The following MAML2 variants were observed in gnomAD, a reference collection of about 807,000 sequenced individuals.
MAML2 encodes the protein mastermind-like protein 2.
Under a neutral mutation model 96.1 loss-of-function variants are expected in MAML2, and 22 were observed. The ratio of observed to expected loss-of-function variants is 0.23; its 90% CI spans 0.16 to 0.33. The LOEUF is 0.33. Among genes scored for constraint, MAML2 ranks in the 10% least tolerant of loss-of-function variants. The pLI is 1.00. For synonymous variants in MAML2, 561 were observed against 521.3 expected (o/e 1.08, Z -1.04); for missense variants, 1,367 against 1,392.4 (o/e 0.98, Z 0.29).
intron 2 of MAML2, among the ~76,000 whole-genome samples, chr11:96,069,178 A>G (rs1010218846): frequency 2.5e-4 from 38 of 151,768 alleles, no homozygotes; most frequent in Non-Finnish European, 4.0e-4. Flanking sequence ...TTTTCCCACC[A>G]TGGTCTCCCA....
intron 1 of MAML2, among the ~76,000 whole-genome samples, chr11:96,229,580 T>C (rs1410770711): frequency 6.7e-6 from 1 of 148,530 alleles, no homozygotes; most frequent in Non-Finnish European, 1.5e-5. Context: ...AGAAATATAA[T>C]CACATGATCT....
At chr11:96,229,480 C>A (rs1359807492) in intron 1 of MAML2, among the ~76,000 whole-genome samples, 2 of 150,038 alleles carry the variant, frequency 1.3e-5, no homozygotes, top group Non-Finnish European at 3.0e-5. Flanking sequence ...TAGAGGATCC[C>A]TTACCAGATA....
intron 1 of MAML2, among the ~76,000 whole-genome samples, chr11:96,331,817 CAAAA>C (rs200355506): frequency 5.4e-5 from 4 of 74,704 alleles, no homozygotes; most frequent in African/African-American, 4.5e-5. Flanking sequence ...GACTCCATCT[CAAAA>C]AAAAAAAAAA....
intron 2 of MAML2, among the ~76,000 whole-genome samples, chr11:96,003,117 AGAT>A (rs1242565188): frequency 8.8e-6 from 1 of 114,176 alleles, no homozygotes; most frequent in African/African-American, 3.4e-5. Context: ...GGGATGATGA[AGAT>A]GATTATGGGG....
At chr11:96,225,365 G>T (rs1862196649) in intron 1 of MAML2, among the ~76,000 whole-genome samples, 1 of 152,186 alleles carries the variant, frequency 6.6e-6, no homozygotes, top group Non-Finnish European at 1.5e-5. Flanking sequence ...TTTGGAAGCA[G>T]ATCTTCCATC....
At chr11:96,077,219 C>CTCT (rs1555005491) in intron 2 of MAML2, among the ~76,000 whole-genome samples, 1 of 94,122 alleles carries the variant, frequency 1.1e-5, no homozygotes, top group African/African-American at 4.4e-5. Context: ...CTCTCTCTCT[C>CTCT]TTTTTTTTTT....
chr11:96,092,109 T>A lies in MAML2; in HGVS notation c.1922A>T (p.Gln641Leu). The A allele has an allele frequency of 6.4e-7, 1 of 1,550,924 alleles. No individual in the cohort carries two copies. ...CTGCTGCTGTTGTTGCTGCTGCTGC[T>A]GCTGTTGGGCTGAAATTGAGCTCTG... ...QQQSSISAQQ[Q>L]QQQQQQQQQQ... The change falls in exon 2 of 5, where the codon CAG (glutamine) becomes CTG (leucine). Residue 641 changes from glutamine (Q) to leucine (L), a missense_variant. Transcript: ENST00000524717. This position sits in a 1 kb window ranked among gnomAD's most constrained non-coding sequence, Gnocchi z 4.1.
chr11:96,056,335 A>C (rs1859068812), intron 2 of MAML2, among the ~76,000 whole-genome samples: 2 of 150,042 alleles, frequency 1.3e-5, no homozygotes, highest in Admixed American at 1.3e-4. Flanking sequence ...GAAGCATTTT[A>C]GAATCCTTTG....
In MAML2 at chr11:95,979,449, T is replaced by C. The variant is rs373623019; in HGVS notation, c.2970A>G (p.Thr990=). The C allele has an allele frequency of 3.7e-5, 60 of 1,613,522 alleles. No homozygotes were observed. Among genetic ancestry groups the C allele is most frequent in the Non-Finnish European group, 4.7e-5 (56 of 1,179,764 alleles). Reference sequence around the variant, plus strand: ...ACTGATTTGGGGTATAGGCTGCAGGTGTACCTGTGGGGAAGCGGACTCCTG... The same window carrying C: ...ACTGATTTGGGGTATAGGCTGCAGGCGTACCTGTGGGGAAGCGGACTCCTG... The part of the protein sequence containing the change: ...TSAGVRFPTG[T]PAAYTPNQSL... Residue 990 remains threonine, a synonymous_variant, in exon 5 of 5, where the codon ACA becomes ACG. Transcript: ENST00000524717.
chr11:96,255,865 C>CTTTTTT (rs141609329), intron 1 of MAML2, among the ~76,000 whole-genome samples: 6 of 77,940 alleles, frequency 7.7e-5, no homozygotes, highest in Non-Finnish European at 1.2e-4. Flanking sequence ...CCCCCACCGC[C>CTTTTTT]TTTTTTTTTT....
intron 1 of MAML2, among the ~76,000 whole-genome samples, chr11:96,140,435 C>T (rs1409563980): frequency 1.3e-5 from 2 of 152,178 alleles, no homozygotes; most frequent in African/African-American, 4.8e-5. Context: ...AGGCACAGCC[C>T]TTCTGCCCAA....
intron 1 of MAML2, among the ~76,000 whole-genome samples, chr11:96,111,198 T>A (rs183200732): frequency 1.3e-5 from 2 of 152,338 alleles, no homozygotes; most frequent in Admixed American, 1.3e-4. Flanking sequence ...TTGCTTCCCA[T>A]CATATTTTTA....
rs576635400 is a variant in MAML2 at position 96,019,349 on chromosome 11, C to A, written c.2140-27626G>T. ...GCCAGTGATAGTCTTTGGCTATCAT[C>A]CTGATCATAACAATCATTTTGAATA... On this transcript the variant is annotated intron_variant, in intron 2 of 4. Coordinates refer to ENST00000524717, the MANE Select transcript of MAML2 (RefSeq NM_032427.4). Among the ~76,000 whole-genome samples, 6 of 152,154 alleles carry A rather than the reference C, an allele frequency of 3.9e-5. No individual in the cohort carries two copies. The East Asian group carries it at 9.7e-4, about 24-fold the overall frequency.
At chr11:96,288,334 G>A (rs2097360258) in intron 1 of MAML2, among the ~76,000 whole-genome samples, 1 of 152,116 alleles carries the variant, frequency 6.6e-6, no homozygotes, top group African/African-American at 2.4e-5. Context: ...CTGAGGTCAG[G>A]AGTTTGAGAC....
chr11:96,173,554 A>G (rs1861334390), intron 1 of MAML2, among the ~76,000 whole-genome samples: 1 of 152,236 alleles, frequency 6.6e-6, no homozygotes, highest in Non-Finnish European at 1.5e-5. Context: ...TTTATGGGTC[A>G]TCCACCTCTA....
intron 1 of MAML2, among the ~76,000 whole-genome samples, chr11:96,211,421 T>C (rs1379042875): frequency 6.7e-6 from 1 of 149,684 alleles, no homozygotes; most frequent in Non-Finnish European, 1.5e-5. Context: ...GAAGACATTG[T>C]CCAATGTGAT....
intron 1 of MAML2, among the ~76,000 whole-genome samples, chr11:96,189,408 C>G (rs1861621361): frequency 6.6e-6 from 1 of 152,142 alleles, no homozygotes; most frequent in Admixed American, 6.5e-5. Context: ...ACTTTTAAGA[C>G]TCATTTAAAG....
intron 2 of MAML2, among the ~76,000 whole-genome samples, chr11:96,005,810 A>C (rs1256658331): frequency 1.3e-5 from 2 of 152,230 alleles, no homozygotes; most frequent in Non-Finnish European, 2.9e-5. Context: ...CTATAAAAAG[A>C]ATACAAAATA....
intron 1 of MAML2, among the ~76,000 whole-genome samples, chr11:96,208,880 TA>T (rs1244942079): frequency 6.6e-6 from 1 of 152,020 alleles, no homozygotes; most frequent in Non-Finnish European, 1.5e-5. Flanking sequence ...TAAAAACCAA[TA>T]ACAACTTCTG....
Sources: allele counts gnomAD v4.1 joint callset (sites outside exome capture counted in the v4.1 genomes callset), GRCh38; gene constraint gnomAD v4.1.1; non-coding constraint Gnocchi (gnomAD v3.1); transcripts MANE v1.5; gene names NCBI Gene and HGNC (gene_info 2026-07-23, HGNC 2026-07-21).